The following AMPH variants were observed in gnomAD, a reference collection of about 807,000 sequenced individuals.
AMPH encodes amphiphysin (Stiff-Mann syndrome with breast cancer 128kD autoantigen).
Under a neutral mutation model 99.1 loss-of-function variants are expected in AMPH, and 49 were observed. The observed-to-expected ratio is 0.49, with a 90% CI of 0.39 to 0.63. The LOEUF (loss-of-function observed/expected upper bound fraction) is 0.63, where lower values mean the gene tolerates loss of function less well. Ranked by LOEUF, AMPH falls within the 20% of genes least tolerant of loss-of-function variation. The probability of loss-of-function intolerance (pLI) is 0.00; values close to 1 mark genes in which losing one functional copy is unlikely to be tolerated. For synonymous variants in AMPH, 314 were observed against 317.3 expected, an observed-to-expected ratio of 0.99 and a Z score of 0.11; for missense variants, 759 against 863.4, an observed-to-expected ratio of 0.88 and a Z score of 1.52.
chr7:38,629,666 A>G (rs996045497), intron 1 of AMPH, among the ~76,000 whole-genome samples: 1 of 152,252 alleles, frequency 6.6e-6, no homozygotes, highest in African/African-American at 2.4e-5. Context: ...GGATTCAGTG[A>G]AAAGCCTCAG....
intron 20 of AMPH, 127 bp downstream of exon 20, chr7:38,389,677 T>G: frequency 1.3e-6 from 1 of 759,294 alleles, no homozygotes; most frequent in Non-Finnish European, 2.3e-6. Context: ...TCACAAGCCC[T>G]TAAGCCCTTT....
At chr7:38,393,287 C>T (rs1309916608) in intron 18 of AMPH, among the ~76,000 whole-genome samples, 2 of 152,178 alleles carry the variant, frequency 1.3e-5, no homozygotes, top group Non-Finnish European at 2.9e-5. Context: ...TTTTTGAAAA[C>T]TTATTGGGAG....
intron 1 of AMPH, among the ~76,000 whole-genome samples, chr7:38,559,081 T>C (rs1209469890): frequency 2.0e-5 from 3 of 152,370 alleles, no homozygotes; most frequent in African/African-American, 7.2e-5. Flanking sequence ...GTTCACGTTG[T>C]CAAACTGTAT....
chr7:38,526,340 G>A (rs964558896), intron 2 of AMPH, among the ~76,000 whole-genome samples: 4 of 148,790 alleles, frequency 2.7e-5, no homozygotes, highest in Non-Finnish European at 5.9e-5. Context: ...CATCATCTCA[G>A]CTCACTGCAA....
At chr7:38,565,887 A>G (rs1791723124) in intron 1 of AMPH, among the ~76,000 whole-genome samples, 1 of 152,212 alleles carries the variant, frequency 6.6e-6, no homozygotes, top group Admixed American at 6.5e-5. Context: ...TTCCATTTAA[A>G]AGAGAAAATG....
chr7:38,399,016 A>G (rs373320772), intron 17 of AMPH, among the ~76,000 whole-genome samples: 9 of 152,266 alleles, frequency 5.9e-5, no homozygotes, highest in Admixed American at 2.0e-4. Context: ...AAAGAACTGC[A>G]GCATGCAGAA....
intron 1 of AMPH, among the ~76,000 whole-genome samples, chr7:38,585,970 T>A (rs1792633220): frequency 6.6e-6 from 1 of 152,236 alleles, no homozygotes; most frequent in East Asian, 1.9e-4. Context: ...CTCTTTGCAC[T>A]GAGATAACTT....
chr7:38,527,748 T>A (rs1790242686), intron 2 of AMPH, among the ~76,000 whole-genome samples: 1 of 152,200 alleles, frequency 6.6e-6, no homozygotes, highest in Admixed American at 6.5e-5. Flanking sequence ...TTTTCCTTAT[T>A]GTACTGGCTA....
intron 8 of AMPH, 68 bp downstream of exon 8, chr7:38,466,105 C>A (rs1257826824): frequency 4.7e-6 from 6 of 1,266,726 alleles, no homozygotes; most frequent in Non-Finnish European, 6.8e-6. Flanking sequence ...TATCCCATTT[C>A]ATTTGCTTCC....
intron 1 of AMPH, among the ~76,000 whole-genome samples, chr7:38,546,797 T>C (rs1791011195): frequency 6.6e-6 from 1 of 152,200 alleles, no homozygotes; most frequent in Admixed American, 6.5e-5. Context: ...TGGAATTGCA[T>C]TTCGCTAGCT....
intron 2 of AMPH, among the ~76,000 whole-genome samples, chr7:38,525,277 T>TATATATATATATATAG (rs1481528083): frequency 6.1e-4 from 53 of 86,642 alleles, no homozygotes; most frequent in Non-Finnish European, 7.0e-4. Context: ...TATATATATA[T>TATATATATATATATAG]AGAGAGAGAG....
chr7:38,621,780 T>C (rs1794075550), intron 1 of AMPH, among the ~76,000 whole-genome samples: 2 of 152,182 alleles, frequency 1.3e-5, no homozygotes, highest in Non-Finnish European at 2.9e-5. Context: ...GTGATCAAAA[T>C]TGATATATGA....
chr7:38,472,732 T>C (rs1404646722), intron 7 of AMPH, among the ~76,000 whole-genome samples: 1 of 152,190 alleles, frequency 6.6e-6, no homozygotes, highest in Non-Finnish European at 1.5e-5. Context: ...AAAAACTAGT[T>C]TTGACTGATG....
chr7:38,441,810 C>CATATATATG lies in AMPH; in HGVS notation c.1018-5423_1018-5422insCATATATAT, dbSNP rs1562757524. 1.4e-4 allele frequency among the ~76,000 whole-genome samples: 10 copies of CATATATATG among 69,634 alleles called. 1 individual carries two copies. Among genetic ancestry groups the CATATATATG allele is most frequent in the South Asian group, 4.0e-4 (1 of 2,474 alleles). 45.7% of individuals were successfully genotyped at this position (69,634 alleles called of 152,430 possible). A position where few individuals can be genotyped will look rare whatever the true frequency, so the allele number is the denominator to read the frequency against. Reference sequence around the variant, plus strand: ...TCTGTCATATATATCATATATATATCATATATATCATATATCATATATATC... The same window carrying CATATATATG: ...TCTGTCATATATATCATATATATATCATATATATGATATATATCATATATCATATATATC... On this transcript the variant is annotated intron_variant, in intron 11 of 20. Transcript: ENST00000356264.
intron 17 of AMPH, among the ~76,000 whole-genome samples, chr7:38,409,792 T>C (rs1785161468): frequency 6.6e-6 from 1 of 152,194 alleles, no homozygotes. Flanking sequence ...ATTAAAGTCT[T>C]CTACAGAGAT....
At chr7:38,579,377 C>G (rs1792363089) in intron 1 of AMPH, among the ~76,000 whole-genome samples, 1 of 152,194 alleles carries the variant, frequency 6.6e-6, no homozygotes, top group South Asian at 2.1e-4. Flanking sequence ...GCTTTCCCTT[C>G]CAGTGCCATT....
intron 7 of AMPH, among the ~76,000 whole-genome samples, chr7:38,472,234 C>G (rs549174852): frequency 6.6e-6 from 1 of 152,070 alleles, no homozygotes; most frequent in East Asian, 1.9e-4. Context: ...TCATAGGAGG[C>G]AAAGAAGATA....
chr7:38,536,920 A>G (rs1584219458), intron 1 of AMPH, among the ~76,000 whole-genome samples: 1 of 152,176 alleles, frequency 6.6e-6, no homozygotes, highest in East Asian at 1.9e-4. Context: ...ATGTAAAAAG[A>G]CTATAACTAT....
intron 17 of AMPH, among the ~76,000 whole-genome samples, chr7:38,406,970 A>G (rs949441300): frequency 3.6e-5 from 5 of 138,258 alleles, no homozygotes; most frequent in Non-Finnish European, 4.6e-5. Context: ...CAGATGGCCA[A>G]TCGTGGGACT....
Sources: gnomAD v4.1 joint callset for allele counts (sites outside exome capture counted in the v4.1 genomes callset) on GRCh38, gnomAD v4.1.1 for gene constraint, MANE v1.5 for transcripts, NCBI Gene and HGNC (gene_info 2026-07-23, HGNC 2026-07-21) for gene names.